The following GALNTL6 variants were observed in gnomAD, a reference collection of about 807,000 sequenced individuals.
GALNTL6 encodes the protein polypeptide N-acetylgalactosaminyltransferase-like 6.
In GALNTL6, 46 loss-of-function variants were observed where a neutral mutation model predicts 73.7. The ratio of observed to expected loss-of-function variants is 0.62; its 90% confidence interval spans 0.49 to 0.80. The LOEUF (loss-of-function observed/expected upper bound fraction) is 0.80. GALNTL6 is among the 30% of genes least tolerant of loss of function. GALNTL6 has a pLI of 0.00. For synonymous variants in GALNTL6, 259 were observed against 263.7 expected (o/e 0.98, Z 0.17); for missense variants, 604 against 755.0 (o/e 0.80, Z 2.34).
chr4:172,465,080 C>A (rs1260736951), intron 5 of GALNTL6, among the ~76,000 whole-genome samples: 2 of 152,158 alleles, frequency 1.3e-5, no homozygotes, highest in African/African-American at 4.8e-5. Flanking sequence ...TTAATGCAAT[C>A]TTTGACATCT....
At chr4:172,561,114 G>A (rs944776598) in intron 5 of GALNTL6, among the ~76,000 whole-genome samples, 1 of 151,344 alleles carries the variant, frequency 6.6e-6, no homozygotes, top group Non-Finnish European at 1.5e-5. Context: ...TTAGCCGGGC[G>A]CGGTGGCGGG....
chr4:172,606,619 G>GTATATATATACTA (rs1560832253), intron 5 of GALNTL6, among the ~76,000 whole-genome samples: 3 of 33,014 alleles, frequency 9.1e-5, no homozygotes, highest in Non-Finnish European at 2.3e-4. Flanking sequence ...TACATATATA[G>GTATATATATACTA]TATATATATA....
intron 5 of GALNTL6, among the ~76,000 whole-genome samples, chr4:172,554,555 A>G (rs1736076411): frequency 6.6e-6 from 1 of 152,208 alleles, no homozygotes; most frequent in African/African-American, 2.4e-5. Context: ...ACAGAATATT[A>G]GTAGCTACCA....
intron 5 of GALNTL6, among the ~76,000 whole-genome samples, chr4:172,674,475 G>T (rs192556931): frequency 1.3e-5 from 2 of 152,024 alleles, no homozygotes; most frequent in Non-Finnish European, 2.9e-5. Context: ...ATCTTACTGG[G>T]GTTCTCTGCA....
At chr4:172,853,389 A>G (rs750715053) in intron 7 of GALNTL6, among the ~76,000 whole-genome samples, 10 of 152,178 alleles carry the variant, frequency 6.6e-5, no homozygotes, top group South Asian at 2.1e-4. Flanking sequence ...TAGTCACATA[A>G]TCACATCGTG....
intron 2 of GALNTL6, among the ~76,000 whole-genome samples, chr4:172,200,690 C>A (rs1384851417): frequency 6.6e-6 from 1 of 152,176 alleles, no homozygotes; most frequent in Non-Finnish European, 1.5e-5. Flanking sequence ...AAATGTGTGA[C>A]AACATCTACC....
intron 2 of GALNTL6, among the ~76,000 whole-genome samples, chr4:172,172,980 C>T (rs1362434849): frequency 3.3e-5 from 5 of 152,196 alleles, no homozygotes; most frequent in Non-Finnish European, 5.9e-5. Context: ...AAGTTCTCAT[C>T]CAGCTGGGGA....
intron 7 of GALNTL6, among the ~76,000 whole-genome samples, chr4:172,868,916 T>C (rs1744790037): frequency 6.6e-6 from 1 of 152,180 alleles, no homozygotes; most frequent in Non-Finnish European, 1.5e-5. Context: ...AGGAACACAG[T>C]CCTGCCTTCT....
intron 3 of GALNTL6, among the ~76,000 whole-genome samples, chr4:172,303,923 C>T (rs1740031987): frequency 6.6e-6 from 1 of 152,148 alleles, no homozygotes. Context: ...CTTTGTCTGC[C>T]TCATAATACA....
intron 2 of GALNTL6, among the ~76,000 whole-genome samples, chr4:171,909,076 A>G (rs1393390035): frequency 6.6e-5 from 10 of 151,304 alleles, no homozygotes; most frequent in African/African-American, 2.2e-4. Context: ...GCGCACCAGC[A>G]TGACACATGT....
At chr4:172,963,157 C>A (rs991836979) in intron 10 of GALNTL6, among the ~76,000 whole-genome samples, 5 of 152,164 alleles carry the variant, frequency 3.3e-5, no homozygotes, top group African/African-American at 1.2e-4. Flanking sequence ...CAGGCCAGGT[C>A]AGTCTGACCT....
chr4:172,419,844 T>A (rs1730988917), intron 5 of GALNTL6, among the ~76,000 whole-genome samples: 5 of 152,132 alleles, frequency 3.3e-5, no homozygotes, highest in Admixed American at 3.3e-4. Context: ...ATTTGCTTAC[T>A]TTTATGGCAT....
chr4:172,847,968 C>T (rs1743604040), intron 7 of GALNTL6, among the ~76,000 whole-genome samples: 1 of 152,122 alleles, frequency 6.6e-6, no homozygotes, highest in African/African-American at 2.4e-5. Flanking sequence ...CTACATACAC[C>T]TCACCCTCCC....
chr4:172,484,954 G>T (rs1050255815), intron 5 of GALNTL6, among the ~76,000 whole-genome samples: 1 of 151,964 alleles, frequency 6.6e-6, no homozygotes. Context: ...AAATTAACTC[G>T]TGTTACTTTA....
intron 2 of GALNTL6, among the ~76,000 whole-genome samples, chr4:171,912,664 C>A (rs1737509289): frequency 6.6e-6 from 1 of 152,064 alleles, no homozygotes; most frequent in African/African-American, 2.4e-5. Flanking sequence ...CTAACTGGTT[C>A]TTTTACCTGG....
At chr4:172,480,608 G>T (rs183714006) in intron 5 of GALNTL6, among the ~76,000 whole-genome samples, 1 of 152,208 alleles carries the variant, frequency 6.6e-6, no homozygotes, top group African/African-American at 2.4e-5. Flanking sequence ...TTAGTTAGCA[G>T]CTGCCGTACA....
intron 3 of GALNTL6, among the ~76,000 whole-genome samples, chr4:172,271,408 T>G (rs1044008168): frequency 1.3e-5 from 2 of 152,148 alleles, no homozygotes; most frequent in African/African-American, 4.8e-5. Flanking sequence ...CATATGGATA[T>G]GTACACACAT....
intron 2 of GALNTL6, among the ~76,000 whole-genome samples, chr4:171,893,125 C>T (rs892429522): frequency 1.3e-5 from 2 of 152,144 alleles, no homozygotes; most frequent in South Asian, 4.1e-4. Context: ...GGTCTTTCCT[C>T]CCAAACAGAA....
intron 10 of GALNTL6, among the ~76,000 whole-genome samples, chr4:172,994,377 T>G (rs1301970773): frequency 6.6e-6 from 1 of 152,192 alleles, no homozygotes; most frequent in Non-Finnish European, 1.5e-5. Flanking sequence ...CCCCATTAGT[T>G]TGATTTTAGA....
Sources: allele counts gnomAD v4.1 joint callset (sites outside exome capture counted in the v4.1 genomes callset), GRCh38; gene constraint gnomAD v4.1.1; transcripts MANE v1.5; gene names NCBI Gene and HGNC (gene_info 2026-07-23, HGNC 2026-07-21).